FGFR1: variants seen among roughly 807,000 people sequenced by gnomAD.
The protein encoded by FGFR1 is fibroblast growth factor receptor 1.
FGFR1 carries 18 observed loss-of-function variants against 93.7 expected under a neutral mutation model. That is an observed-to-expected ratio of 0.19 (90% CI 0.13 to 0.28). FGFR1 has a LOEUF of 0.28. Among genes scored for constraint, FGFR1 ranks in the 10% least tolerant of loss-of-function variants. FGFR1 has a pLI of 1.00. For missense variants in FGFR1, 731 were observed against 1,080.4 expected, an observed-to-expected ratio of 0.68 and a Z score of 4.53; for synonymous variants, 448 against 429.3, an observed-to-expected ratio of 1.04 and a Z score of -0.54.
At chr8:38,436,397 A>G (rs1586491838) in intron 2 of FGFR1, among the ~76,000 whole-genome samples, 1 of 151,768 alleles carries the variant, frequency 6.6e-6, no homozygotes, top group Non-Finnish European at 1.5e-5. Context: ...GTGCATTGTG[A>G]AAAAAAAGGG....
intron 3 of FGFR1, chr8:38,428,665 G>GT (rs1441866176): frequency 3.5e-6 from 2 of 564,054 alleles, no homozygotes; most frequent in Non-Finnish European, 6.4e-6. Context: ...TTCACACTGG[G>GT]TGGTTCCATC....
intron 1 of FGFR1, chr8:38,467,722 G>A (rs1273279611): frequency 4.3e-6 from 1 of 233,382 alleles, no homozygotes; most frequent in Non-Finnish European, 8.5e-6. Context: ...TGGAGGAAAA[G>A]TTGGGCGGCG....
intron 11 of FGFR1, 153 bp from the exon 12 acceptor site, chr8:38,417,569 T>C (rs960682837): frequency 4.6e-5 from 36 of 775,660 alleles, no homozygotes; most frequent in Non-Finnish European, 7.3e-5. Context: ...TTCCCTCTCA[T>C]GGGAGCCGTT....
chr8:38,434,513 C>T, intron 2 of FGFR1: 1 of 364,556 alleles, frequency 2.7e-6, no homozygotes, highest in Non-Finnish European at 5.3e-6. Flanking sequence ...GGAAACGATC[C>T]CATGTCTCTG....
Position 38,468,561 on chromosome 8 carries a change from C to T in FGFR1, c.-669G>A, listed in dbSNP as rs1478705241. 4.4e-6 allele frequency: 1 copy of T among 228,876 alleles called. No individual in the cohort carries two copies. Among genetic ancestry groups the T allele is most frequent in the African/African-American group, 2.2e-5 (1 of 45,072 alleles). The allele number at this position is 228,876 out of a possible 1,614,324, so 14.2% of individuals were successfully genotyped here. A position where few individuals can be genotyped will look rare whatever the true frequency, so the allele number is the denominator to read the frequency against. ...CCGCGCGCTGCGGCTGCACCGGCGTCCCGGCTCCCGCTAGCTGCCGCCCGC... is the reference window on the plus strand; with the variant it reads ...CCGCGCGCTGCGGCTGCACCGGCGTTCCGGCTCCCGCTAGCTGCCGCCCGC... On this transcript the variant is annotated 5_prime_UTR_variant, in exon 1 of 18. Transcript: ENST00000447712.
chr8:38,439,388 C>G (rs1308213888), intron 2 of FGFR1, among the ~76,000 whole-genome samples: 1 of 152,208 alleles, frequency 6.6e-6, no homozygotes, highest in Non-Finnish European at 1.5e-5. Flanking sequence ...GACACCTTCT[C>G]TTCTCGAGCC....
chr8:38,440,809 C>T (rs960118603), intron 2 of FGFR1, among the ~76,000 whole-genome samples: 11 of 152,144 alleles, frequency 7.2e-5, no homozygotes, highest in Non-Finnish European at 1.5e-4. Context: ...CGTGCGTTGC[C>T]ATGGGGACCC....
At chr8:38,454,568 T>A (rs1423469409) in intron 2 of FGFR1, among the ~76,000 whole-genome samples, 2 of 152,094 alleles carry the variant, frequency 1.3e-5, no homozygotes, top group African/African-American at 4.8e-5. Flanking sequence ...TCCTCTATCA[T>A]CTCCCAGTCC....
At position 38,413,214 on chromosome 8, in the gene FGFR1, C is replaced by A. The variant is rs1814963600; in HGVS notation, c.*414G>T. 1 of 293,128 alleles carries A rather than the reference C, an allele frequency of 3.4e-6. No individual in the cohort carries two copies. Among genetic ancestry groups the A allele is most frequent in the Non-Finnish European group, 6.5e-6 (1 of 154,978 alleles). 18.2% of individuals were successfully genotyped at this position (293,128 alleles called of 1,614,324 possible). A position where few individuals can be genotyped will look rare whatever the true frequency, so the allele number is the denominator to read the frequency against. ...CTCCCTACTGCTGTAGCCCTGAGGA[C>A]AAGGCACCTGCCACCAGAGTGCGAG... On this transcript the variant is annotated 3_prime_UTR_variant, in exon 18 of 18. Coordinates refer to ENST00000447712, the MANE Select transcript of FGFR1 (RefSeq NM_023110.3). The surrounding 1 kb of genome is among the most constrained non-coding windows in gnomAD (Gnocchi z 4.2).
intron 9 of FGFR1, 124 bp downstream of exon 9, chr8:38,419,409 G>A (rs907703598): frequency 1.1e-6 from 1 of 871,030 alleles, no homozygotes; most frequent in Non-Finnish European, 1.9e-6. Context: ...ATATTCCACT[G>A]TGCCTTGCCC....
chr8:38,468,329 G>A lies in FGFR1; in HGVS notation c.-437C>T. ...GCTCCATCGCCCTGCGGAGGCCCCG[G>A]CGCCGCGGCGTGCCCGACTGCAGCA... On this transcript the variant is annotated 5_prime_UTR_variant, in exon 1 of 18. Coordinates refer to ENST00000447712, the MANE Select transcript of FGFR1 (RefSeq NM_023110.3). The A allele has an allele frequency of 4.4e-6, 1 of 228,300 alleles. No individual in the cohort carries two copies. Among genetic ancestry groups the A allele is most frequent in the South Asian group, 1.8e-4 (1 of 5,506 alleles). 14.1% of individuals were successfully genotyped at this position (228,300 alleles called of 1,614,324 possible). A position where few individuals can be genotyped will look rare whatever the true frequency, so the allele number is the denominator to read the frequency against.
At chr8:38,448,696 T>C (rs1830156579) in intron 2 of FGFR1, among the ~76,000 whole-genome samples, 1 of 152,218 alleles carries the variant, frequency 6.6e-6, no homozygotes, top group Non-Finnish European at 1.5e-5. Flanking sequence ...GGCTCACGCC[T>C]GTAATCCCAG....
chr8:38,412,056 C>T lies in FGFR1; in HGVS notation c.*1572G>A, dbSNP rs568692444. 2.6e-4 allele frequency: 58 copies of T among 222,710 alleles called. No homozygotes were observed. The highest frequency in any genetic ancestry group is 1.3e-3 in the African/African-American group (57 of 44,824). The allele number at this position is 222,710 out of a possible 1,614,324, so 13.8% of individuals were successfully genotyped here. A position where few individuals can be genotyped will look rare whatever the true frequency, so the allele number is the denominator to read the frequency against. ...ATGTCTGGGTTTCAGTTTCTGCAGACCTTCATCATTTGTTTTCCTTTTTGT... is the reference window on the plus strand; with the variant it reads ...ATGTCTGGGTTTCAGTTTCTGCAGATCTTCATCATTTGTTTTCCTTTTTGT... On this transcript the variant is annotated 3_prime_UTR_variant, in exon 18 of 18. Coordinates refer to ENST00000447712, the MANE Select transcript of FGFR1 (RefSeq NM_023110.3).
rs1457623866 is a variant in FGFR1, at chr8:38,424,483, CCCACGAAGACTGGT to C, written c.936+12_936+25del. 1.2e-6 allele frequency: 2 copies of C among 1,613,898 alleles called. No homozygotes were observed. Among genetic ancestry groups the C allele is most frequent in the Non-Finnish European group, 1.7e-6 (2 of 1,179,832 alleles). ...AGTGGTCTCCTTCCCAGTAGACTGG[CCCACGAAGACTGGT>C]GCCATGATTACCTTCAAGATCTGGA... is the stretch of plus-strand genomic sequence containing the variant. On this transcript the variant is annotated intron_variant, in intron 7 of 17. Transcript: ENST00000447712. This position sits in a 1 kb window ranked among gnomAD's most constrained non-coding sequence, Gnocchi z 4.3.
intron 1 of FGFR1, chr8:38,461,151 C>G (rs968115021): frequency 6.5e-7 from 1 of 1,535,902 alleles, no homozygotes; most frequent in Non-Finnish European, 8.7e-7. Flanking sequence ...GGTGAAAGTG[C>G]CTGCTGTCTT....
Position 38,415,971 on chromosome 8 carries a change from A to G in FGFR1, c.1753T>C (p.Tyr585His), listed in dbSNP as rs1477426230. The change falls in exon 13 of 18, where the codon TAC becomes CAC. Residue 585 changes from tyrosine (Y) to histidine (H), a missense_variant. This residue lies in a region of FGFR1 where 39 missense variants were observed against 39.2 expected (regional missense o/e 1.00). Transcript: ENST00000447712. ...TCCTCTGGGTTGTGGCTGGGGTTGT[A>G]GCAGTATTCCAGCCCTGGGGGCCTC... ...ARRPPGLEYC[Y>H]NPSHNPEEQL... The G allele has an allele frequency of 6.2e-7, 1 of 1,614,062 alleles. No homozygotes were observed. Among genetic ancestry groups the G allele is most frequent in the East Asian group, 2.2e-5 (1 of 44,884 alleles).
chr8:38,416,312 TCTCA>T (rs2150599783), intron 12 of FGFR1, among the ~76,000 whole-genome samples: 1 of 152,172 alleles, frequency 6.6e-6, no homozygotes, highest in African/African-American at 2.4e-5. Flanking sequence ...TGAGATGGAG[TCTCA>T]CTCTGTTGCC....
chr8:38,413,891 C>A lies in FGFR1; in HGVS notation c.2292+27G>T, dbSNP rs1325664288. On this transcript the variant is annotated intron_variant, in intron 17 of 17. Coordinates refer to ENST00000447712, the MANE Select transcript of FGFR1 (RefSeq NM_023110.3). This position sits in a 1 kb window ranked among gnomAD's most constrained non-coding sequence, Gnocchi z 4.2. ...GTGCACGCAGTGGGGACGGCCTGAG[C>A]TCTGGCTCTGGCACGGGCAGCCTTA... 1 of 1,613,488 alleles carries A rather than the reference C, an allele frequency of 6.2e-7. No homozygotes were observed. The highest frequency in any genetic ancestry group is 8.5e-7 in the Non-Finnish European group (1 of 1,179,724).
chr8:38,444,157 T>C (rs1222488594), intron 2 of FGFR1, among the ~76,000 whole-genome samples: 1 of 151,972 alleles, frequency 6.6e-6, no homozygotes, highest in East Asian at 1.9e-4. Flanking sequence ...TGATCCTTTG[T>C]TGGTTCCAAA....
Sources: allele counts gnomAD v4.1 joint callset (sites outside exome capture counted in the v4.1 genomes callset), GRCh38; gene constraint gnomAD v4.1.1; regional missense constraint gnomAD v4.1.1; non-coding constraint Gnocchi (gnomAD v3.1); transcripts MANE v1.5; gene names NCBI Gene and HGNC (gene_info 2026-07-23, HGNC 2026-07-21).